KMT2A: variants seen among roughly 807,000 people sequenced by gnomAD.
KMT2A encodes histone-lysine N-methyltransferase 2A.
Under a neutral mutation model 345.3 loss-of-function variants are expected in KMT2A, and 16 were observed. That is an observed-to-expected ratio of 0.05 (90% CI 0.03 to 0.07). The LOEUF (loss-of-function observed/expected upper bound fraction) is 0.07, where lower values mean the gene tolerates loss of function less well. Ranked by LOEUF, KMT2A falls within the 10% of genes least tolerant of loss-of-function variation. The pLI is 1.00. For synonymous variants in KMT2A, 1,599 were observed against 1,778.6 expected (o/e 0.90, Z 2.54); for missense variants, 3,272 against 4,841.6 (o/e 0.68, Z 9.62).
chr11:118,438,229 G>T (rs1555139273), intron 1 of KMT2A, among the ~76,000 whole-genome samples: 1 of 152,112 alleles, frequency 6.6e-6, no homozygotes, highest in East Asian at 1.9e-4. Context: ...TCTGATTCTT[G>T]TAAGGGGACC....
intron 27 of KMT2A, among the ~76,000 whole-genome samples, chr11:118,507,094 C>A (rs1950597933): frequency 6.6e-6 from 1 of 152,100 alleles, no homozygotes; most frequent in Admixed American, 6.6e-5. Context: ...CTCAGGAGTT[C>A]AAGATCAGTC....
At position 118,499,364 on chromosome 11, in the gene KMT2A, G is replaced by A; in HGVS notation, c.6023G>A (p.Ser2008Asn). The change falls in exon 23 of 36, where the codon AGC becomes AAC. Residue 2008 changes from serine to asparagine, a missense_variant. This residue lies in a region of KMT2A where 235 missense variants were observed against 503.4 expected (regional missense o/e 0.47). Transcript: ENST00000534358. ...GTGTTTGTGGACTTTGAAGGAATCA[G>A]CTTGAGAAGGAAGTTTCTCAATGGC... Reference protein sequence around the residue: ...RRVFVDFEGISLRRKFLNGLE... With the variant: ...RRVFVDFEGINLRRKFLNGLE... 6.2e-7 allele frequency: 1 copy of A among 1,611,526 alleles called. No individual in the cohort carries two copies. Among genetic ancestry groups the A allele is most frequent in the Non-Finnish European group, 8.5e-7 (1 of 1,179,790 alleles).
In KMT2A at chr11:118,447,606, G is replaced by C. The variant is rs571084708; in HGVS notation, c.432+10662G>C. 143 of 449,996 alleles carry C rather than the reference G, an allele frequency of 3.2e-4. 3 individuals are homozygous for C. The highest frequency in any genetic ancestry group is 2.1e-3 in the South Asian group (130 of 63,258). 27.9% of individuals were successfully genotyped at this position (449,996 alleles called of 1,614,324 possible). A position where few individuals can be genotyped will look rare whatever the true frequency, so the allele number is the denominator to read the frequency against. Reference sequence around the variant, plus strand: ...TAGCACTGATCATCCCCTTACTTGAGTGTTGTTTCCATTTCTAGGTTCCTC... The same window carrying C: ...TAGCACTGATCATCCCCTTACTTGACTGTTGTTTCCATTTCTAGGTTCCTC... On this transcript the variant is annotated intron_variant, in intron 1 of 35. Transcript: ENST00000534358.
chr11:118,478,454 T>A (rs189000227), intron 5 of KMT2A, among the ~76,000 whole-genome samples: 60 of 152,290 alleles, frequency 3.9e-4, no homozygotes, highest in Admixed American at 1.6e-3. Context: ...AATGGAAATG[T>A]TTAGTTCAGT....
Position 118,502,436 on chromosome 11 carries a change from G to A in KMT2A, c.6544G>A (p.Gly2182Ser). Residue 2182 changes from glycine (G) to serine (S), a missense_variant, in exon 27 of 36, where the codon GGT becomes AGT. Coordinates refer to ENST00000534358, the MANE Select transcript of KMT2A (RefSeq NM_001197104.2). This position sits in a 1 kb window ranked among gnomAD's most constrained non-coding sequence, Gnocchi z 4.9. ...AACCACTCATGAAATAGTCACAGTA[G>A]GTGATCCTTTACTCTCCTCTGGACT... ...TPTTHEIVTVGDPLLSSGLRS... is the reference protein window; with the variant it reads ...TPTTHEIVTVSDPLLSSGLRS... 1 of 1,612,020 alleles carries A rather than the reference G, an allele frequency of 6.2e-7. No homozygotes were observed.
At chr11:118,485,726 A>G (rs1950215697) in intron 10 of KMT2A, among the ~76,000 whole-genome samples, 1 of 152,228 alleles carries the variant, frequency 6.6e-6, no homozygotes, top group Admixed American at 6.5e-5. Context: ...AATATTGCTC[A>G]TAATAATAAA....
intron 1 of KMT2A, among the ~76,000 whole-genome samples, chr11:118,444,396 A>AT (rs1555026614): frequency 6.6e-6 from 1 of 152,110 alleles, no homozygotes; most frequent in Non-Finnish European, 1.5e-5. Flanking sequence ...TTTGGCTAGG[A>AT]TTTTTTATTT....
intron 1 of KMT2A, among the ~76,000 whole-genome samples, chr11:118,464,206 C>T (rs782087987): frequency 6.6e-6 from 1 of 152,186 alleles, no homozygotes; most frequent in Non-Finnish European, 1.5e-5. Context: ...ACACCATAGA[C>T]ATCTCAATTG....
chr11:118,512,889 A>C (rs549948307), intron 31 of KMT2A, among the ~76,000 whole-genome samples: 20 of 151,908 alleles, frequency 1.3e-4, no homozygotes, highest in African/African-American at 4.8e-4. Flanking sequence ...ATTAGACTTC[A>C]TATTAAATTT....
chr11:118,526,572 G>T lies in KMT2A; in HGVS notation c.*4400G>T. 4.4e-6 allele frequency: 1 copy of T among 227,826 alleles called. No homozygotes were observed. The highest frequency in any genetic ancestry group is 8.6e-6 in the Non-Finnish European group (1 of 115,780). The allele number at this position is 227,826 out of a possible 1,614,324, so 14.1% of individuals were successfully genotyped here. The stretch of plus-strand genomic sequence containing the variant: ...TTCCTTGTGTTCTTCCAAGCTTCTG[G>T]TTAGAGAAAAAGAGAAAAAAAAAAA... On this transcript the variant is annotated 3_prime_UTR_variant, in exon 36 of 36. Coordinates refer to ENST00000534358, the MANE Select transcript of KMT2A (RefSeq NM_001197104.2).
rs148077979 is a variant in KMT2A, at chr11:118,505,111, C to T, written c.9219C>T (p.His3073=). Residue 3073 remains histidine, a synonymous_variant, in exon 27 of 36, where the codon CAC becomes CAT. Transcript: ENST00000534358. The surrounding 1 kb of genome is among the most constrained non-coding windows in gnomAD (Gnocchi z 4.6). ...SNAAVQTTPP[H]LKPATEKLIV... is the part of the protein sequence containing the mutation. ...CAGCTGTCCAGACCACTCCACCCCA[C>T]CTGAAGCCAGCCACTGAGAAACTCA... 1.1e-5 allele frequency: 17 copies of T among 1,614,164 alleles called. No individual in the cohort carries two copies. Among genetic ancestry groups the T allele is most frequent in the Non-Finnish European group, 1.4e-5 (17 of 1,180,002 alleles).
At chr11:118,459,425 A>G (rs1555031860) in intron 1 of KMT2A, among the ~76,000 whole-genome samples, 3 of 152,286 alleles carry the variant, frequency 2.0e-5, no homozygotes, top group South Asian at 4.1e-4. Context: ...TATAGCTGCT[A>G]AAGGGCATGT....
Position 118,504,215 on chromosome 11 carries a change from G to T in KMT2A, c.8323G>T (p.Val2775Phe), listed in dbSNP as rs1414294798. ...GEKEHVTKSS[V>F]GHKNEPKMDN... ...GAAAGAACATGTCACTAAGAGTTCTGTTGGCCACAAAAATGAGCCAAAGAT... is the reference window on the plus strand; with the variant it reads ...GAAAGAACATGTCACTAAGAGTTCTTTTGGCCACAAAAATGAGCCAAAGAT... The change falls in exon 27 of 36, where the codon GTT becomes TTT. Residue 2775 changes from valine (V) to phenylalanine (F), a missense_variant. Physicochemically the swap from Val to Phe is conservative, Grantham distance 50. Transcript: ENST00000534358. The surrounding 1 kb of genome is among the most constrained non-coding windows in gnomAD (Gnocchi z 6.4). 3.1e-6 allele frequency: 5 copies of T among 1,614,060 alleles called. No individual in the cohort carries two copies. Among genetic ancestry groups the T allele is most frequent in the African/African-American group, 1.3e-5 (1 of 74,938 alleles).
intron 31 of KMT2A, among the ~76,000 whole-genome samples, chr11:118,517,415 A>G (rs1950843936): frequency 6.6e-6 from 1 of 151,176 alleles, no homozygotes; most frequent in Admixed American, 6.6e-5. Context: ...AAAAAAAAGA[A>G]AAGAAAAGAA....
chr11:118,497,250 C>T lies in KMT2A; in HGVS notation c.5665-686C>T, dbSNP rs1423385154. 2.0e-5 allele frequency among the ~76,000 whole-genome samples: 3 copies of T among 152,094 alleles called. No homozygotes were observed. Among genetic ancestry groups the T allele is most frequent in the Admixed American group, 2.0e-4 (3 of 15,268 alleles). ...AACTCCCGACCCCAGGTGATCCACC[C>T]ACCTCATATCCCAAAGTGGTGGGAT... is the stretch of plus-strand genomic sequence containing the variant. On this transcript the variant is annotated intron_variant, in intron 20 of 35. Transcript: ENST00000534358. This position sits in a 1 kb window ranked among gnomAD's most constrained non-coding sequence, Gnocchi z 4.8.
intron 1 of KMT2A, among the ~76,000 whole-genome samples, chr11:118,444,678 A>G (rs1949381935): frequency 6.6e-6 from 1 of 152,144 alleles, no homozygotes; most frequent in Admixed American, 6.5e-5. Flanking sequence ...GGCTCAAGCA[A>G]TCCTCTTGTC....
In KMT2A at chr11:118,506,653, G is replaced by A. The variant is rs782294071; in HGVS notation, c.10754+7G>A. 4 of 1,578,702 alleles carry A rather than the reference G, an allele frequency of 2.5e-6. No homozygotes were observed. The highest frequency in any genetic ancestry group is 1.2e-5 in the South Asian group (1 of 85,500). On this transcript the variant is annotated splice_region_variant and intron_variant, in intron 27 of 35. Transcript: ENST00000534358. ...CCCTGACCTCAGGCACAGGGTGAGA[G>A]ATCCAAATACTAGCTAGGCTGGGTC...
rs1950954277 is a variant in KMT2A, at chr11:118,520,970, C to T, written c.11513+85C>T. On this transcript the variant is annotated intron_variant, in intron 34 of 35. Coordinates refer to ENST00000534358, the MANE Select transcript of KMT2A (RefSeq NM_001197104.2). The surrounding 1 kb of genome is among the most constrained non-coding windows in gnomAD (Gnocchi z 4.3). ...CAGACCAAATGCTGGAGTGACCTTC[C>T]TCACTCAGTAAGTGAGGATTTTACG... 1 of 997,872 alleles carries T rather than the reference C, an allele frequency of 1.0e-6. No individual in the cohort carries two copies. Among genetic ancestry groups the T allele is most frequent in the Non-Finnish European group, 1.6e-6 (1 of 627,186 alleles). 61.8% of individuals were successfully genotyped at this position (997,872 alleles called of 1,614,324 possible).
Position 118,506,225 on chromosome 11 carries a change from CCTT to C in KMT2A, c.10336_10338del (p.Ser3446del), listed in dbSNP as rs782290671. On this transcript the variant is annotated inframe_deletion, in exon 27 of 36. Coordinates refer to ENST00000534358, the MANE Select transcript of KMT2A (RefSeq NM_001197104.2). ...GACTACGGGCATAACAGCCGCTTCA[CCTT>C]CTGGGGAAGCAGACGAACACTATCA... is the stretch of plus-strand genomic sequence containing the variant. 2.2e-5 allele frequency: 35 copies of C among 1,614,064 alleles called. No homozygotes were observed. The highest frequency in any genetic ancestry group is 1.6e-4 in the Middle Eastern group (1 of 6,084).
Sources: gnomAD v4.1 joint callset for allele counts (sites outside exome capture counted in the v4.1 genomes callset) on GRCh38, gnomAD v4.1.1 for gene constraint, gnomAD v4.1.1 regional missense constraint, Gnocchi (gnomAD v3.1) non-coding constraint, MANE v1.5 for transcripts, NCBI Gene and HGNC (gene_info 2026-07-23, HGNC 2026-07-21) for gene names.